SP100: variants seen among roughly 807,000 people sequenced by gnomAD.
The protein encoded by SP100 is SP100 nuclear body protein.
In SP100, 84 loss-of-function variants were observed where a neutral mutation model predicts 130.0. That is an observed-to-expected ratio of 0.65 (90% CI 0.54 to 0.77). The LOEUF is 0.77. Ranked by LOEUF, SP100 falls within the 30% of genes least tolerant of loss-of-function variation. The probability of loss-of-function intolerance (pLI) is 0.00; values close to 1 mark genes in which losing one functional copy is unlikely to be tolerated. For missense variants in SP100, 978 were observed against 1,052.2 expected (o/e 0.93, Z 0.97); for synonymous variants, 331 against 351.7 (o/e 0.94, Z 0.66).
chr2:230,533,050 G>A (rs1481998630), intron 24 of SP100, among the ~76,000 whole-genome samples: 3 of 152,166 alleles, frequency 2.0e-5, no homozygotes, highest in African/African-American at 4.8e-5. Flanking sequence ...CAAAGTGCTG[G>A]GATTACAGGC....
intron 24 of SP100, chr2:230,515,138 C>CA (rs768740375): frequency 2.4e-5 from 38 of 1,612,394 alleles, no homozygotes; most frequent in Non-Finnish European, 3.1e-5. Flanking sequence ...GTCAAGTTCT[C>CA]AGAGTTTTTA....
chr2:230,479,404 A>C (rs748998843), intron 17 of SP100, among the ~76,000 whole-genome samples: 2 of 152,204 alleles, frequency 1.3e-5, no homozygotes, highest in Non-Finnish European at 2.9e-5. Context: ...TTATCTCAAA[A>C]TACTGATGGC....
chr2:230,518,206 G>A (rs982061191), intron 24 of SP100, among the ~76,000 whole-genome samples: 1 of 151,692 alleles, frequency 6.6e-6, no homozygotes, highest in Admixed American at 6.6e-5. Flanking sequence ...CTTCTTACTG[G>A]TTCCTTTCTT....
chr2:230,506,363 A>G lies in SP100; in HGVS notation c.1931A>G (p.Glu644Gly), dbSNP rs1396748813. Residue 644 changes from glutamate (E) to glycine (G), a missense_variant, in exon 22 of 29, where the codon GAA becomes GGA. Glu to Gly is a moderately conservative substitution (Grantham distance 98). Coordinates refer to ENST00000340126, the MANE Select transcript of SP100 (RefSeq NM_001080391.2). ...DKKWFTPREF[E>G]IEGDRGASKN... ...AAGTGGTTCACTCCCAGGGAATTTG[A>G]AATTGAAGGAGACCGCGGAGCATCC... The G allele has an allele frequency of 6.2e-7, 1 of 1,613,894 alleles. No individual in the cohort carries two copies. Among genetic ancestry groups the G allele is most frequent in the Non-Finnish European group, 8.5e-7 (1 of 1,179,880 alleles).
intron 3 of SP100, among the ~76,000 whole-genome samples, chr2:230,443,955 T>C (rs2063576541): frequency 6.6e-6 from 1 of 152,208 alleles, no homozygotes; most frequent in Admixed American, 6.5e-5. Flanking sequence ...TTGCATCTAA[T>C]GTAAATGAGG....
chr2:230,489,207 T>C (rs1182312823), intron 17 of SP100, among the ~76,000 whole-genome samples: 3 of 152,234 alleles, frequency 2.0e-5, no homozygotes, highest in Non-Finnish European at 4.4e-5. Context: ...GAACTTGTTA[T>C]TGGTTTATTC....
intron 2 of SP100, among the ~76,000 whole-genome samples, chr2:230,422,129 T>C (rs1384402379): frequency 6.6e-6 from 1 of 152,192 alleles, no homozygotes; most frequent in Non-Finnish European, 1.5e-5. Flanking sequence ...TCTGCCATTA[T>C]ATTTTTAATT....
chr2:230,486,434 T>C (rs2066100496), intron 17 of SP100, among the ~76,000 whole-genome samples: 1 of 152,206 alleles, frequency 6.6e-6, no homozygotes, highest in African/African-American at 2.4e-5. Flanking sequence ...TGTTTGGTTT[T>C]CTGTTCCTGG....
chr2:230,421,794 A>T (rs1169136204), intron 2 of SP100, among the ~76,000 whole-genome samples: 1 of 151,988 alleles, frequency 6.6e-6, no homozygotes, highest in Non-Finnish European at 1.5e-5. Context: ...TGATCCCTTG[A>T]TTCTAAAATC....
chr2:230,482,379 C>T (rs73998823), intron 17 of SP100, among the ~76,000 whole-genome samples: 4,202 of 152,176 alleles, frequency 0.028, 190 homozygotes, highest in African/African-American at 0.096. Context: ...CTCAGTTGAC[C>T]ACACTGGTGA....
chr2:230,478,978 G>T (rs2065699038), intron 17 of SP100, among the ~76,000 whole-genome samples: 1 of 152,132 alleles, frequency 6.6e-6, no homozygotes, highest in Admixed American at 6.5e-5. Context: ...CCACCACCAT[G>T]CCTGGCTAAT....
chr2:230,443,285 G>A (rs534905577), intron 3 of SP100, among the ~76,000 whole-genome samples, 186 bp downstream of exon 3: 2 of 152,122 alleles, frequency 1.3e-5, no homozygotes, highest in African/African-American at 4.8e-5. Context: ...AGCAGAGGTC[G>A]CCGGAGATGG....
At chr2:230,531,553 A>T (rs1691704879) in intron 24 of SP100, among the ~76,000 whole-genome samples, 1 of 152,162 alleles carries the variant, frequency 6.6e-6, no homozygotes, top group Non-Finnish European at 1.5e-5. Context: ...AAAAAGAAAA[A>T]AGAAAAATAA....
chr2:230,486,073 A>T (rs916537386), intron 17 of SP100, among the ~76,000 whole-genome samples: 6 of 198 alleles, frequency 0.03, no homozygotes, highest in African/African-American at 0.062. Context: ...ATTTATTTTA[A>T]AAAAAAGAGG....
rs1692264905 is a variant in SP100, at chr2:230,544,632, C to T, written c.*1686C>T. The stretch of plus-strand genomic sequence containing the variant: ...CCTCCCAGGTGGCTGGGATTACAGG[C>T]ATGCACCACCTGACTGATTTTGTAT... On this transcript the variant is annotated 3_prime_UTR_variant, in exon 29 of 29. Transcript: ENST00000340126. Among the ~76,000 whole-genome samples the T allele has an allele frequency of 6.6e-6, 1 of 152,190 alleles. No individual in the cohort carries two copies. Among genetic ancestry groups the T allele is most frequent in the Non-Finnish European group, 1.5e-5 (1 of 68,032 alleles).
At chr2:230,525,637 G>A (rs1413826197) in intron 24 of SP100, among the ~76,000 whole-genome samples, 5 of 152,158 alleles carry the variant, frequency 3.3e-5, no homozygotes. Flanking sequence ...CACAAGGGGT[G>A]GGGGGATTTC....
At chr2:230,539,999 A>G (rs1302749934) in intron 25 of SP100, among the ~76,000 whole-genome samples, 1 of 152,176 alleles carries the variant, frequency 6.6e-6, no homozygotes, top group East Asian at 1.9e-4. Flanking sequence ...AGGGCAGAGC[A>G]TTGCCCTTCC....
At chr2:230,533,282 G>T (rs577078854) in intron 24 of SP100, among the ~76,000 whole-genome samples, 50 of 152,140 alleles carry the variant, frequency 3.3e-4, no homozygotes, top group Admixed American at 2.6e-4. Context: ...TTTAAAATAG[G>T]ACCTATCCCA....
intron 21 of SP100, among the ~76,000 whole-genome samples, chr2:230,504,852 G>A (rs937421472): frequency 2.0e-5 from 3 of 152,088 alleles, no homozygotes; most frequent in Non-Finnish European, 4.4e-5. Context: ...CATCAGGATC[G>A]GTAGTTCCCA....
Sources: gnomAD v4.1 joint callset for allele counts (sites outside exome capture counted in the v4.1 genomes callset) on GRCh38, gnomAD v4.1.1 for gene constraint, MANE v1.5 for transcripts, NCBI Gene and HGNC (gene_info 2026-07-23, HGNC 2026-07-21) for gene names.